The following NFIC variants were observed in gnomAD, a reference collection of about 807,000 sequenced individuals.
The protein encoded by NFIC is nuclear factor 1 C-type.
A neutral mutation model predicts 54.4 loss-of-function variants in NFIC; 12 were observed. That is an observed-to-expected ratio of 0.22 (90% CI 0.14 to 0.36). The LOEUF (loss-of-function observed/expected upper bound fraction) is 0.36, where lower values mean the gene tolerates loss of function less well. Among genes scored for constraint, NFIC ranks in the 10% least tolerant of loss-of-function variants. The pLI is 1.00. For missense variants in NFIC, 575 were observed against 718.2 expected (o/e 0.80, Z 2.28); for synonymous variants, 322 against 319.2 (o/e 1.01, Z -0.09).
chr19:3,374,517 C>T (rs2081072712), intron 1 of NFIC, among the ~76,000 whole-genome samples: 1 of 152,150 alleles, frequency 6.6e-6, no homozygotes, highest in Admixed American at 6.5e-5. Context: ...TTACTGTCAC[C>T]CAGCCACCTT....
At chr19:3,359,790 G>T (rs1438778050) in intron 1 of NFIC, 37 of 1,207,670 alleles carry the variant, frequency 3.1e-5, no homozygotes, top group Non-Finnish European at 3.8e-5. Flanking sequence ...GGCGGGGGCC[G>T]CCCGGAGGAG....
rs1568180093 is a variant in NFIC, at chr19:3,434,416, C to T, written c.833+16C>T. ...CCTCCAGTGGGTAAGTACCCAGGTC[C>T]CCACCTCTGGGCATTTCATGACCCC... On this transcript the variant is annotated intron_variant, in intron 5 of 10. Coordinates refer to ENST00000443272, the MANE Select transcript of NFIC (RefSeq NM_001245002.2). The T allele has an allele frequency of 5.0e-6, 8 of 1,585,066 alleles. No individual in the cohort carries two copies. Among genetic ancestry groups the T allele is most frequent in the Non-Finnish European group, 6.9e-6 (8 of 1,165,834 alleles).
At chr19:3,426,725 G>A (rs2082032949) in intron 3 of NFIC, among the ~76,000 whole-genome samples, 1 of 152,036 alleles carries the variant, frequency 6.6e-6, no homozygotes, top group African/African-American at 2.4e-5. Context: ...CAGCCACACA[G>A]ACCTCCTCGC....
At chr19:3,406,123 C>T (rs939968340) in intron 2 of NFIC, among the ~76,000 whole-genome samples, 2 of 151,262 alleles carry the variant, frequency 1.3e-5, no homozygotes, top group African/African-American at 4.9e-5. Context: ...GACAGAGTCT[C>T]ACTCTGTTGC....
chr19:3,428,025 C>A (rs2082054722), intron 3 of NFIC, among the ~76,000 whole-genome samples: 1 of 150,614 alleles, frequency 6.6e-6, no homozygotes, highest in South Asian at 2.1e-4. Flanking sequence ...CAAAAATTAG[C>A]CAGGCGTGGA....
At chr19:3,414,693 C>G (rs2081823263) in intron 2 of NFIC, among the ~76,000 whole-genome samples, 1 of 151,962 alleles carries the variant, frequency 6.6e-6, no homozygotes, top group Admixed American at 6.6e-5. Context: ...ATAGGCAACC[C>G]CTTCTAGTTT....
At chr19:3,386,129 G>C (rs2081292488) in intron 2 of NFIC, among the ~76,000 whole-genome samples, 1 of 149,636 alleles carries the variant, frequency 6.7e-6, no homozygotes, top group Admixed American at 6.7e-5. Flanking sequence ...GCTCATGCCT[G>C]TAATCCCAGC....
intron 6 of NFIC, among the ~76,000 whole-genome samples, chr19:3,437,472 A>G (rs1046662773): frequency 1.3e-5 from 2 of 152,050 alleles, no homozygotes; most frequent in Admixed American, 6.6e-5. Flanking sequence ...CTCCCAGAGC[A>G]GGAACATTCC....
At chr19:3,439,329 G>A (rs1307885801) in intron 6 of NFIC, among the ~76,000 whole-genome samples, 2 of 63,702 alleles carry the variant, frequency 3.1e-5, no homozygotes, top group African/African-American at 1.2e-4. Context: ...GAAAGACCCT[G>A]TCTCAAAAAA....
intron 2 of NFIC, among the ~76,000 whole-genome samples, chr19:3,403,304 T>G (rs1041460662): frequency 6.6e-6 from 1 of 152,182 alleles, no homozygotes; most frequent in South Asian, 2.1e-4. Flanking sequence ...AAGGCAACAT[T>G]TAAACCTCTG....
intron 1 of NFIC, among the ~76,000 whole-genome samples, chr19:3,379,640 C>G (rs909170725): frequency 3.4e-5 from 5 of 148,436 alleles, no homozygotes; most frequent in African/African-American, 1.2e-4. Flanking sequence ...GCCACTGCGC[C>G]CAGCCTCATT....
At chr19:3,395,883 T>C (rs749411207) in intron 2 of NFIC, among the ~76,000 whole-genome samples, 5 of 152,254 alleles carry the variant, frequency 3.3e-5, no homozygotes, top group Middle Eastern at 6.8e-3. Flanking sequence ...TTTCTCCATG[T>C]TGGCCAGGCT....
At chr19:3,399,741 G>T (rs1568422178) in intron 2 of NFIC, among the ~76,000 whole-genome samples, 1 of 151,854 alleles carries the variant, frequency 6.6e-6, no homozygotes, top group Non-Finnish European at 1.5e-5. Context: ...GCGTGTGGTG[G>T]GAGCCTGTAA....
chr19:3,457,386 A>G (rs2121936179), intron 10 of NFIC, among the ~76,000 whole-genome samples: 1 of 152,194 alleles, frequency 6.6e-6, no homozygotes, highest in South Asian at 2.1e-4. Flanking sequence ...GCTGCACAGT[A>G]GTCTAGGGAG....
intron 9 of NFIC, among the ~76,000 whole-genome samples, chr19:3,455,658 A>G (rs973357475): frequency 2.0e-5 from 3 of 150,548 alleles, no homozygotes; most frequent in Non-Finnish European, 4.4e-5. Flanking sequence ...TTTACAGTAG[A>G]CACTTAATAG....
At chr19:3,412,999 C>T (rs1174299746) in intron 2 of NFIC, among the ~76,000 whole-genome samples, 1 of 152,158 alleles carries the variant, frequency 6.6e-6, no homozygotes, top group Non-Finnish European at 1.5e-5. Context: ...GACACAGGGG[C>T]TGGAAGGGCC....
chr19:3,362,035 G>A (rs2080818503), upstream of NFIC, among the ~76,000 whole-genome samples: 1 of 152,172 alleles, frequency 6.6e-6, no homozygotes, highest in Admixed American at 6.6e-5. Flanking sequence ...CGGGGGGATA[G>A]ACAACCACAT....
upstream of NFIC, among the ~76,000 whole-genome samples, chr19:3,365,912 G>A (rs1225611854): frequency 6.6e-6 from 1 of 152,224 alleles, no homozygotes; most frequent in African/African-American, 2.4e-5. Flanking sequence ...GCCCCTGCCT[G>A]GCTCTGGGGG....
At chr19:3,429,293 C>CACACACACACACAT (rs1244819392) in intron 3 of NFIC, among the ~76,000 whole-genome samples, 1 of 133,634 alleles carries the variant, frequency 7.5e-6, no homozygotes, top group South Asian at 2.5e-4. Context: ...CACACACACA[C>CACACACACACACAT]ACTAGCCAAA....
Sources: allele counts gnomAD v4.1 joint callset (sites outside exome capture counted in the v4.1 genomes callset), GRCh38; gene constraint gnomAD v4.1.1; transcripts MANE v1.5; gene names NCBI Gene and HGNC (gene_info 2026-07-23, HGNC 2026-07-21).